The following COX7B2 variants were observed in gnomAD, a reference collection of about 807,000 sequenced individuals.
The protein encoded by COX7B2 is cytochrome c oxidase subunit 7B2, mitochondrial.
For synonymous variants in COX7B2, 37 were observed against 32.1 expected (o/e 1.15, Z -0.51); for missense variants, 109 against 95.9 (o/e 1.14, Z -0.57).
At chr4:46,802,327 G>T (rs950596585) in intron 2 of COX7B2, among the ~76,000 whole-genome samples, 21 of 152,084 alleles carry the variant, frequency 1.4e-4, no homozygotes, top group African/African-American at 5.1e-4. Flanking sequence ...GAAATATACG[G>T]AACTAAACAA....
chr4:46,769,752 T>C (rs1560368579), intron 2 of COX7B2, among the ~76,000 whole-genome samples: 1 of 152,150 alleles, frequency 6.6e-6, no homozygotes, highest in East Asian at 1.9e-4. Flanking sequence ...TTTGAAAGTA[T>C]ACAATGATCT....
intron 1 of COX7B2, among the ~76,000 whole-genome samples, chr4:46,896,367 A>T (rs1719762306): frequency 6.6e-6 from 1 of 152,198 alleles, no homozygotes; most frequent in Non-Finnish European, 1.5e-5. Context: ...CTATTGGTAG[A>T]TGTACCCAGT....
In COX7B2 at chr4:46,802,929, C is replaced by T. The variant is rs554530262; in HGVS notation, c.-50+42031G>A. Among the ~76,000 whole-genome samples the T allele has an allele frequency of 4.6e-5, 7 of 152,086 alleles. No homozygotes were observed. In the East Asian group the frequency reaches 1.2e-3, roughly 25 times the overall value. ...TCCAGTAATGCTTAAAAATAGGCTT[C>T]CTGAGCTAATAGGTACCTGAAGAAG... On this transcript the variant is annotated intron_variant, in intron 2 of 2. Coordinates refer to ENST00000355591, the MANE Select transcript of COX7B2 (RefSeq NM_130902.3).
chr4:46,875,124 G>A (rs1049410497), intron 1 of COX7B2, among the ~76,000 whole-genome samples: 9 of 152,250 alleles, frequency 5.9e-5, no homozygotes, highest in Admixed American at 5.2e-4. Context: ...TTCTGCACAA[G>A]TATGTGTTTC....
At chr4:46,875,816 T>A (rs1718282089) in intron 1 of COX7B2, among the ~76,000 whole-genome samples, 1 of 151,884 alleles carries the variant, frequency 6.6e-6, no homozygotes, top group South Asian at 2.1e-4. Flanking sequence ...CCTGTCCACA[T>A]TCTACCTGTC....
intron 2 of COX7B2, among the ~76,000 whole-genome samples, chr4:46,826,907 T>TA (rs1300407434): frequency 6.6e-6 from 1 of 150,982 alleles, no homozygotes; most frequent in Admixed American, 6.6e-5. Flanking sequence ...ATGGCAACAA[T>TA]AAAAAAAGAA....
At chr4:46,753,664 A>G (rs1388327868) in intron 2 of COX7B2, among the ~76,000 whole-genome samples, 1 of 152,074 alleles carries the variant, frequency 6.6e-6, no homozygotes, top group East Asian at 1.9e-4. Context: ...CAAGGACTTC[A>G]TGTCTAAAAC....
chr4:46,759,467 A>G (rs1715999718), intron 2 of COX7B2, among the ~76,000 whole-genome samples: 1 of 152,152 alleles, frequency 6.6e-6, no homozygotes, highest in Non-Finnish European at 1.5e-5. Flanking sequence ...AAGGGCTAAT[A>G]TCAAGAATCT....
chr4:46,863,670 C>T (rs1019787914), intron 1 of COX7B2, among the ~76,000 whole-genome samples: 3 of 152,090 alleles, frequency 2.0e-5, no homozygotes, highest in Non-Finnish European at 4.4e-5. Flanking sequence ...TTGAGAAGGC[C>T]TAATACGATA....
chr4:46,777,442 T>G (rs545635913), intron 2 of COX7B2, among the ~76,000 whole-genome samples: 43 of 151,850 alleles, frequency 2.8e-4, no homozygotes, highest in African/African-American at 1.0e-3. Context: ...TGTTAAATAA[T>G]GGAAAAATAA....
intron 1 of COX7B2, among the ~76,000 whole-genome samples, chr4:46,904,383 C>G (rs372035846): frequency 1.9e-4 from 29 of 151,316 alleles, no homozygotes; most frequent in South Asian, 1.3e-3. Flanking sequence ...TAAAAATGGT[C>G]AAAAAAAATG....
chr4:46,880,659 GTGTT>G (rs201744591), intron 1 of COX7B2, among the ~76,000 whole-genome samples: 1,663 of 151,388 alleles, frequency 0.011, 27 homozygotes, highest in African/African-American at 0.038. Context: ...ATTTCTAGTT[GTGTT>G]TATTTGGATC....
chr4:46,752,388 T>C, intron 2 of COX7B2, among the ~76,000 whole-genome samples: 1 of 151,986 alleles, frequency 6.6e-6, no homozygotes, highest in East Asian at 1.9e-4. Context: ...ACTTCCTCTT[T>C]TCCTAATTGA....
In COX7B2 at chr4:46,735,226, T is replaced by G; in HGVS notation, c.-34A>C. 1.2e-6 allele frequency: 2 copies of G among 1,609,396 alleles called. No individual in the cohort carries two copies. The highest frequency in any genetic ancestry group is 1.7e-6 in the Non-Finnish European group (2 of 1,178,790). ...GCAGTTGCCTTCAGCTACTGGTCTA[T>G]TTTGTTGCAAAGAGGCTGGAAAGAG... is the stretch of plus-strand genomic sequence containing the variant. On this transcript the variant is annotated 5_prime_UTR_variant, in exon 3 of 3. Transcript: ENST00000355591.
chr4:46,884,328 A>G lies in COX7B2; in HGVS notation c.-105+24832T>C, dbSNP rs4695180. Among the ~76,000 whole-genome samples the G allele has an allele frequency of 0.01, 1,567 of 152,298 alleles. 56 individuals carry two copies. In the East Asian group the frequency reaches 0.11, roughly 10 times the overall value. On this transcript the variant is annotated intron_variant, in intron 1 of 2. Coordinates refer to ENST00000355591, the MANE Select transcript of COX7B2 (RefSeq NM_130902.3). ...TGCCTCAACCTTCCACAGTGCTGAG[A>G]TTACATGCATGAGCCACCATGGCCA...
At chr4:46,768,882 A>G (rs1248546762) in intron 2 of COX7B2, among the ~76,000 whole-genome samples, 2 of 152,134 alleles carry the variant, frequency 1.3e-5, no homozygotes, top group Non-Finnish European at 2.9e-5. Context: ...AGACATTGCA[A>G]CTAATACCAC....
intron 2 of COX7B2, among the ~76,000 whole-genome samples, chr4:46,841,572 A>T (rs138360607): frequency 6.6e-6 from 1 of 151,972 alleles, no homozygotes; most frequent in Non-Finnish European, 1.5e-5. Flanking sequence ...ATGCCTATAC[A>T]TCTGACCCAA....
intron 2 of COX7B2, among the ~76,000 whole-genome samples, chr4:46,805,237 T>C (rs1462577766): frequency 6.6e-6 from 1 of 152,208 alleles, no homozygotes; most frequent in Non-Finnish European, 1.5e-5. Flanking sequence ...AAGGGGCTCC[T>C]ACAGTGCAGC....
chr4:46,832,693 TTGA>T (rs1481013369), intron 2 of COX7B2, among the ~76,000 whole-genome samples: 1 of 152,128 alleles, frequency 6.6e-6, no homozygotes, highest in African/African-American at 2.4e-5. Flanking sequence ...TACCATCCTC[TTGA>T]TGATGAGAGG....
Sources: allele counts gnomAD v4.1 joint callset (sites outside exome capture counted in the v4.1 genomes callset), GRCh38; gene constraint gnomAD v4.1.1; transcripts MANE v1.5; gene names NCBI Gene and HGNC (gene_info 2026-07-23, HGNC 2026-07-21).